EGF: variants seen among roughly 807,000 people sequenced by gnomAD.
EGF encodes the protein pro-epidermal growth factor.
In EGF, 95 loss-of-function variants were observed where a neutral mutation model predicts 143.8. The ratio of observed to expected loss-of-function variants is 0.66; its 90% CI spans 0.56 to 0.78. The LOEUF (loss-of-function observed/expected upper bound fraction) is 0.78, where lower values mean the gene tolerates loss of function less well. EGF is among the 30% of genes least tolerant of loss of function. The probability of loss-of-function intolerance (pLI) is 0.00; values close to 1 mark genes in which losing one functional copy is unlikely to be tolerated. For missense variants in EGF, 1,320 were observed against 1,470.9 expected (o/e 0.90, Z 1.68); for synonymous variants, 510 against 510.5 (o/e 1.00, Z 0.01).
At chr4:109,946,868 CA>C (rs1212152179) in intron 5 of EGF, among the ~76,000 whole-genome samples, 3 of 152,044 alleles carry the variant, frequency 2.0e-5, no homozygotes, top group Non-Finnish European at 4.4e-5. Flanking sequence ...CCTGTAATCC[CA>C]GCACTTTGGG....
intron 22 of EGF, among the ~76,000 whole-genome samples, chr4:110,007,283 G>A (rs988175353): frequency 6.6e-6 from 1 of 152,128 alleles, no homozygotes; most frequent in Non-Finnish European, 1.5e-5. Context: ...TCTTTCTGTT[G>A]TTTCTGAGTT....
In EGF at chr4:109,987,946, A is replaced by G. The variant is rs553918865; in HGVS notation, c.2608+86A>G. 6.9e-5 allele frequency: 73 copies of G among 1,059,538 alleles called. 1 individual carries two copies. The Admixed American group carries it at 7.1e-4, about 10-fold the overall frequency. The allele number at this position is 1,059,538 out of a possible 1,614,324, so 65.6% of individuals were successfully genotyped here. A position where few individuals can be genotyped will look rare whatever the true frequency, so the allele number is the denominator to read the frequency against. On this transcript the variant is annotated intron_variant, in intron 17 of 23. Transcript: ENST00000265171. ...CTCTTTCTGACTCAAAAACTCCAGAAGGATTTATGTAATCAGCAGATTTGA... is the reference window on the plus strand; with the variant it reads ...CTCTTTCTGACTCAAAAACTCCAGAGGGATTTATGTAATCAGCAGATTTGA...
At position 109,945,070 on chromosome 4, in the gene EGF, T is replaced by C; in HGVS notation, c.738-3T>C. 1 of 1,614,094 alleles carries C rather than the reference T, an allele frequency of 6.2e-7. No homozygotes were observed. Among genetic ancestry groups the C allele is most frequent in the Non-Finnish European group, 8.5e-7 (1 of 1,180,002 alleles). On this transcript the variant is annotated splice_polypyrimidine_tract_variant and splice_region_variant and intron_variant, in intron 4 of 23. Transcript: ENST00000265171. ...TCTTTTTTCTTTTGTGGTTGCTTTTTAGGCATAATTTGTTTGCAATGTCCC... is the reference window on the plus strand; with the variant it reads ...TCTTTTTTCTTTTGTGGTTGCTTTTCAGGCATAATTTGTTTGCAATGTCCC...
At chr4:110,009,761 G>A (rs1426426130) in intron 23 of EGF, among the ~76,000 whole-genome samples, 1 of 152,126 alleles carries the variant, frequency 6.6e-6, no homozygotes, top group Non-Finnish European at 1.5e-5. Context: ...AAAAGATCAA[G>A]TTTGGCTCTG....
chr4:110,004,571 T>C lies in EGF; in HGVS notation c.3240T>C (p.Ser1080=), dbSNP rs1753005851. The change falls in exon 22 of 24, where the codon AGT becomes AGC. Residue 1080 remains serine (S), a synonymous_variant. Transcript: ENST00000265171. The part of the protein sequence containing the change: ...PYEESSRDVR[S]RRPADTEDGM... ...AGGAGTCGAGCAGAGATGTGAGGAG[T>C]CGCAGGCCTGCTGACACTGAGGATG... The C allele has an allele frequency of 6.2e-7, 1 of 1,613,478 alleles. No individual in the cohort carries two copies. The highest frequency in any genetic ancestry group is 8.5e-7 in the Non-Finnish European group (1 of 1,179,792).
chr4:109,974,408 C>T (rs540531930), intron 11 of EGF, among the ~76,000 whole-genome samples: 8 of 152,308 alleles, frequency 5.3e-5, no homozygotes, highest in Non-Finnish European at 1.0e-4. Flanking sequence ...AATGTCCTCA[C>T]CCAGCCACTG....
chr4:109,987,482 G>A (rs952054852), intron 16 of EGF, among the ~76,000 whole-genome samples: 25 of 152,190 alleles, frequency 1.6e-4, no homozygotes, highest in African/African-American at 6.0e-4. Flanking sequence ...GCCCAGGCTG[G>A]TCTCGAACTC....
At chr4:109,997,455 C>A (rs939736148) in intron 20 of EGF, among the ~76,000 whole-genome samples, 2 of 152,036 alleles carry the variant, frequency 1.3e-5, no homozygotes, top group Non-Finnish European at 2.9e-5. Flanking sequence ...TCCATCTCTA[C>A]CAAATTTTTT....
intron 15 of EGF, among the ~76,000 whole-genome samples, chr4:109,982,968 T>C (rs1749603671): frequency 6.6e-6 from 1 of 152,190 alleles, no homozygotes; most frequent in Admixed American, 6.5e-5. Context: ...ATCATGACTT[T>C]TTAATGTCCT....
chr4:109,967,869 T>G (rs145270860), intron 10 of EGF, among the ~76,000 whole-genome samples: 1 of 152,246 alleles, frequency 6.6e-6, no homozygotes, highest in Non-Finnish European at 1.5e-5. Context: ...TTTGTGTATC[T>G]AAACATAGAA....
In EGF at chr4:109,994,170, A is replaced by G. The variant is rs1213260203; in HGVS notation, c.2858-563A>G. 2.0e-5 allele frequency among the ~76,000 whole-genome samples: 3 copies of G among 152,242 alleles called. No individual in the cohort carries two copies. The East Asian group carries it at 5.8e-4, about 29-fold the overall frequency. On this transcript the variant is annotated intron_variant, in intron 19 of 23. Coordinates refer to ENST00000265171, the MANE Select transcript of EGF (RefSeq NM_001963.6). Reference sequence around the variant, plus strand: ...TGAACCATTCAATAAAAGAGACTTTACTATTATATTTTGGCATGCCCTCTG... The same window carrying G: ...TGAACCATTCAATAAAAGAGACTTTGCTATTATATTTTGGCATGCCCTCTG...
chr4:109,979,536 G>C (rs11098057), intron 13 of EGF, among the ~76,000 whole-genome samples: 79,611 of 151,982 alleles, frequency 0.52, 23,684 homozygotes, highest in African/African-American at 0.81. Flanking sequence ...ATCCTTACAA[G>C]AACTTGTGAA....
At chr4:110,004,733 G>A in intron 22 of EGF, 111 bp downstream of exon 22, 1 of 760,752 alleles carries the variant, frequency 1.3e-6, no homozygotes, top group Admixed American at 2.3e-5. Context: ...ATAGCTTCCA[G>A]CTGGTGTCAG....
chr4:109,931,812 G>C (rs1414962159), intron 1 of EGF, among the ~76,000 whole-genome samples: 1 of 152,226 alleles, frequency 6.6e-6, no homozygotes, highest in Non-Finnish European at 1.5e-5. Context: ...GAAACAATTT[G>C]AAAATGTCAA....
chr4:109,989,503 C>A (rs1005396882), intron 18 of EGF, among the ~76,000 whole-genome samples: 1 of 152,184 alleles, frequency 6.6e-6, no homozygotes, highest in African/African-American at 2.4e-5. Flanking sequence ...TGCTTTCTCC[C>A]ACTTGCTAAG....
At position 109,913,326 on chromosome 4, in the gene EGF, C is replaced by T. The variant is rs759972899; in HGVS notation, c.-10C>T. 8 of 1,613,596 alleles carry T rather than the reference C, an allele frequency of 5.0e-6. No individual in the cohort carries two copies. The highest frequency in any genetic ancestry group is 6.8e-6 in the Non-Finnish European group (8 of 1,179,696). ...CTGTTTTCTTTTGAAAGTTCAAACT[C>T]ATCAAGATTATGCTGCTCACTCTTA... On this transcript the variant is annotated 5_prime_UTR_variant, in exon 1 of 24. Transcript: ENST00000265171.
At chr4:109,948,483 C>T (rs888716308) in intron 5 of EGF, among the ~76,000 whole-genome samples, 12 of 151,790 alleles carry the variant, frequency 7.9e-5, no homozygotes, top group African/African-American at 2.2e-4. Flanking sequence ...TGACATCCTT[C>T]GGATTTTTTT....
At chr4:109,981,878 T>C (rs1412054502) in intron 15 of EGF, among the ~76,000 whole-genome samples, 1 of 151,978 alleles carries the variant, frequency 6.6e-6, no homozygotes, top group Admixed American at 6.6e-5. Context: ...TGGTCAAGAG[T>C]TTTAAAAATT....
intron 21 of EGF, among the ~76,000 whole-genome samples, chr4:110,003,322 AT>A (rs1752817509): frequency 6.6e-6 from 1 of 152,152 alleles, no homozygotes; most frequent in Non-Finnish European, 1.5e-5. Context: ...TTTCATGAGC[AT>A]CTTTTTTTTC....
Sources: gnomAD v4.1 joint callset for allele counts (sites outside exome capture counted in the v4.1 genomes callset) on GRCh38, gnomAD v4.1.1 for gene constraint, MANE v1.5 for transcripts, NCBI Gene and HGNC (gene_info 2026-07-23, HGNC 2026-07-21) for gene names.